SPATS2: variants seen among roughly 807,000 people sequenced by gnomAD.
SPATS2 encodes the protein spermatogenesis associated serine rich 2.
A neutral mutation model predicts 63.7 loss-of-function variants in SPATS2; 38 were observed. That is an observed-to-expected ratio of 0.60 (90% CI 0.46 to 0.78). SPATS2 has a LOEUF of 0.78. SPATS2 is among the 30% of genes least tolerant of loss of function. The probability of loss-of-function intolerance (pLI) is 0.00; values close to 1 mark genes in which losing one functional copy is unlikely to be tolerated. For missense variants in SPATS2, 588 were observed against 666.2 expected (o/e 0.88, Z 1.29); for synonymous variants, 207 against 232.9 (o/e 0.89, Z 1.01).
intron 2 of SPATS2, among the ~76,000 whole-genome samples, chr12:49,456,090 G>A (rs564695775): frequency 6.6e-6 from 1 of 152,054 alleles, no homozygotes. Context: ...GGGTTTTTCT[G>A]TGCTTTGCTT....
At chr12:49,417,041 A>G (rs1287978186) in intron 2 of SPATS2, among the ~76,000 whole-genome samples, 1 of 152,154 alleles carries the variant, frequency 6.6e-6, no homozygotes, top group Non-Finnish European at 1.5e-5. Context: ...TTAAATGTTC[A>G]AGAACTGGTT....
chr12:49,410,667 T>C (rs1188470889), intron 2 of SPATS2, among the ~76,000 whole-genome samples: 1 of 151,792 alleles, frequency 6.6e-6, no homozygotes, highest in Non-Finnish European at 1.5e-5. Context: ...AAGCAGACCA[T>C]CTATTCATTT....
intron 3 of SPATS2, among the ~76,000 whole-genome samples, chr12:49,479,781 T>G (rs530241041): frequency 1.9e-4 from 29 of 152,244 alleles, no homozygotes; most frequent in Non-Finnish European, 3.7e-4. Context: ...TATCAGTAGA[T>G]TATAGCAAGA....
At chr12:49,437,132 G>C (rs1334112813) in intron 2 of SPATS2, among the ~76,000 whole-genome samples, 4 of 151,714 alleles carry the variant, frequency 2.6e-5, no homozygotes, top group Non-Finnish European at 5.9e-5. Context: ...GCCGGGTGGA[G>C]GGGCTCCTCA....
In SPATS2 at chr12:49,489,481, C is replaced by T; in HGVS notation, c.122C>T (p.Ala41Val). ...NMKEKINAVR[A>V]IVPNKSNNEI... ...CTTTTCCAGATAAATGCGGTACGTG[C>T]AATAGTTCCTAATAAGAGCAACAAT... Residue 41 changes from alanine to valine, a missense_variant, in exon 5 of 14, where the codon GCA becomes GTA. Coordinates refer to ENST00000552918, the MANE Select transcript of SPATS2 (RefSeq NM_023071.4). 4 of 1,613,654 alleles carry T rather than the reference C, an allele frequency of 2.5e-6. No individual in the cohort carries two copies. Among genetic ancestry groups the T allele is most frequent in the Non-Finnish European group, 2.5e-6 (3 of 1,179,714 alleles).
In SPATS2 at chr12:49,494,241, A is replaced by G. The variant is rs937608488; in HGVS notation, c.265-500A>G. On this transcript the variant is annotated intron_variant, in intron 6 of 13. Coordinates refer to ENST00000552918, the MANE Select transcript of SPATS2 (RefSeq NM_023071.4). ...TTCTCTATACCCTCAACCTTTATCA[A>G]TTCTACAGTGTTAACATACTTTTTG... Among the ~76,000 whole-genome samples, 13 of 152,210 alleles carry G rather than the reference A, an allele frequency of 8.5e-5. No individual in the cohort carries two copies. In the East Asian group the frequency reaches 1.2e-3, roughly 13 times the overall value.
intron 2 of SPATS2, among the ~76,000 whole-genome samples, chr12:49,456,278 GA>G (rs1592415313): frequency 6.6e-6 from 1 of 152,076 alleles, no homozygotes; most frequent in African/African-American, 2.4e-5. Flanking sequence ...GATAACATTT[GA>G]AAAAAGACCT....
At chr12:49,498,015 T>C (rs1946492352) in intron 8 of SPATS2, among the ~76,000 whole-genome samples, 1 of 151,686 alleles carries the variant, frequency 6.6e-6, no homozygotes, top group South Asian at 2.1e-4. Flanking sequence ...AGTAGCTCTT[T>C]ATGGAATTAT....
intron 3 of SPATS2, among the ~76,000 whole-genome samples, chr12:49,466,936 A>G (rs957409055): frequency 1.3e-5 from 2 of 151,626 alleles, no homozygotes; most frequent in Non-Finnish European, 1.5e-5. Flanking sequence ...ACTTACTACT[A>G]TATCTCTGCA....
intron 2 of SPATS2, among the ~76,000 whole-genome samples, chr12:49,436,516 G>A (rs1344968177): frequency 7.8e-6 from 1 of 127,906 alleles, no homozygotes; most frequent in African/African-American, 3.0e-5. Context: ...GCGGCTGGCC[G>A]GGCGGGGGGC....
chr12:49,439,256 T>G (rs1450287309), intron 2 of SPATS2, among the ~76,000 whole-genome samples: 2 of 152,066 alleles, frequency 1.3e-5, no homozygotes, highest in Admixed American at 1.3e-4. Flanking sequence ...GGGGTGATGC[T>G]GGGGGAGGAA....
At chr12:49,369,062 G>C (rs1688613996) in intron 1 of SPATS2, among the ~76,000 whole-genome samples, 1 of 123,834 alleles carries the variant, frequency 8.1e-6, no homozygotes, top group Non-Finnish European at 1.6e-5. Flanking sequence ...TTGAGATGGA[G>C]TCTTGCTCTG....
In SPATS2 at chr12:49,500,156, G is replaced by A; in HGVS notation, c.790G>A (p.Asp264Asn). ...TCGAGTTGTAGTTAAAGAAGAGATGGATGCCTCCATTAAGAAAATGAAACA... is the reference window on the plus strand; with the variant it reads ...TCGAGTTGTAGTTAAAGAAGAGATGAATGCCTCCATTAAGAAAATGAAACA... ...RYRVVVKEEMDASIKKMKQAF... is the reference protein window; with the variant it reads ...RYRVVVKEEMNASIKKMKQAF... Residue 264 changes from aspartate (D) to asparagine (N), a missense_variant, in exon 9 of 14, where the codon GAT becomes AAT. Physicochemically the swap from Asp to Asn is conservative, Grantham distance 23 (BLOSUM62 1). Transcript: ENST00000552918. 2 of 1,611,498 alleles carry A rather than the reference G, an allele frequency of 1.2e-6. No homozygotes were observed. Among genetic ancestry groups the A allele is most frequent in the Non-Finnish European group, 1.7e-6 (2 of 1,179,050 alleles).
intron 2 of SPATS2, among the ~76,000 whole-genome samples, chr12:49,436,538 C>T (rs1207415319): frequency 8.4e-6 from 1 of 118,736 alleles, no homozygotes; most frequent in Admixed American, 8.0e-5. Flanking sequence ...GACCCCCCCG[C>T]CTCCTGGCCG....
At chr12:49,523,526 T>C (rs1006459925) in intron 12 of SPATS2, among the ~76,000 whole-genome samples, 1 of 151,864 alleles carries the variant, frequency 6.6e-6, no homozygotes. Flanking sequence ...AAATAATACT[T>C]GTCTTGTCTG....
At chr12:49,506,913 A>G (rs557017160) in intron 9 of SPATS2, among the ~76,000 whole-genome samples, 5 of 152,088 alleles carry the variant, frequency 3.3e-5, no homozygotes, top group Middle Eastern at 3.4e-3. Flanking sequence ...GAGCATCTGT[A>G]TTGTTTCCTC....
chr12:49,373,523 C>T (rs887986371), intron 2 of SPATS2, among the ~76,000 whole-genome samples: 2 of 152,090 alleles, frequency 1.3e-5, no homozygotes, highest in Non-Finnish European at 1.5e-5. Flanking sequence ...TGGTGGGAGG[C>T]CACTTTGACC....
chr12:49,432,889 T>C (rs1945210402), intron 2 of SPATS2, among the ~76,000 whole-genome samples: 1 of 152,246 alleles, frequency 6.6e-6, no homozygotes, highest in South Asian at 2.1e-4. Flanking sequence ...TACACAAATA[T>C]CTCTTTGATA....
At chr12:49,491,997 C>CATG (rs1468072876) in intron 6 of SPATS2, among the ~76,000 whole-genome samples, 3 of 152,176 alleles carry the variant, frequency 2.0e-5, no homozygotes, top group African/African-American at 7.2e-5. Context: ...ACTCTTACAT[C>CATG]ACTTTTTAGG....
Sources: gnomAD v4.1 joint callset for allele counts (sites outside exome capture counted in the v4.1 genomes callset) on GRCh38, gnomAD v4.1.1 for gene constraint, MANE v1.5 for transcripts, NCBI Gene and HGNC (gene_info 2026-07-23, HGNC 2026-07-21) for gene names.